Variants in CD274 observed in about 807,000 individuals in gnomAD.
The protein encoded by CD274 is programmed cell death 1 ligand 1.
In CD274, 8 loss-of-function variants were observed where a neutral mutation model predicts 30.1. The observed-to-expected ratio is 0.27, with a 90% confidence interval of 0.16 to 0.48. CD274 has a LOEUF of 0.48. Among genes scored for constraint, CD274 ranks in the 20% least tolerant of loss-of-function variants. CD274 has a pLI of 0.99. For missense variants in CD274, 353 were observed against 346.6 expected (o/e 1.02, Z -0.15); for synonymous variants, 152 against 124.6 (o/e 1.22, Z -1.46).
rs1819523098 is a variant in CD274, at chr9:5,467,872, G to T, written c.*10G>T. The T allele has an allele frequency of 6.2e-7, 1 of 1,606,896 alleles. No homozygotes were observed. The highest frequency in any genetic ancestry group is 1.3e-5 in the African/African-American group (1 of 74,714). ...TTTGGAGGAGACGTAATCCAGCATT[G>T]GAACTTCTGATCTTCAAGCAGGGAT... On this transcript the variant is annotated 3_prime_UTR_variant, in exon 7 of 7. Coordinates refer to ENST00000381577, the MANE Select transcript of CD274 (RefSeq NM_014143.4).
At chr9:5,464,411 G>A (rs191550951) in intron 4 of CD274, among the ~76,000 whole-genome samples, 61 of 152,146 alleles carry the variant, frequency 4.0e-4, no homozygotes, top group Admixed American at 3.5e-3. Flanking sequence ...TGTAAGTTAC[G>A]GAAAAAGCTG....
chr9:5,451,919 G>A (rs548993686), intron 1 of CD274, among the ~76,000 whole-genome samples: 44 of 152,072 alleles, frequency 2.9e-4, no homozygotes, highest in African/African-American at 5.1e-4. Flanking sequence ...AGCCTCAGGC[G>A]ATCCTCCCTC....
chr9:5,458,897 G>C (rs2131215823), intron 3 of CD274, among the ~76,000 whole-genome samples: 1 of 152,298 alleles, frequency 6.6e-6, no homozygotes, highest in African/African-American at 2.4e-5. Context: ...AAATCATCAT[G>C]ACTTAGCCTC....
rs1819562692 is a variant in CD274 at position 5,469,966 on chromosome 9, G to C, written c.*2104G>C. ...GAAATTCCGGCAGTGTACCTTGACT[G>C]CTAGCTACCCTGTGCCAGAAAAGCC... On this transcript the variant is annotated 3_prime_UTR_variant, in exon 7 of 7. Coordinates refer to ENST00000381577, the MANE Select transcript of CD274 (RefSeq NM_014143.4). 1 of 233,070 alleles carries C rather than the reference G, an allele frequency of 4.3e-6. No individual in the cohort carries two copies. The highest frequency in any genetic ancestry group is 2.2e-5 in the African/African-American group (1 of 45,346). The allele number at this position is 233,070 out of a possible 1,614,324, so 14.4% of individuals were successfully genotyped here.
Position 5,457,365 on chromosome 9 carries a change from CT to C in CD274, c.340del (p.Cys114AlafsTer2). 1 of 1,614,088 alleles carries C rather than the reference CT, an allele frequency of 6.2e-7. No individual in the cohort carries two copies. The highest frequency in any genetic ancestry group is 1.7e-5 in the Admixed American group (1 of 59,972). The stretch of plus-strand genomic sequence containing the variant: ...AATTGCAGGATGCAGGGGTGTACCG[CT>C]GCATGATCAGCTATGGTGGTGCCGA... ...VKLQDAGVYRCMISYGGADYK... is the reference protein window; with the variant it reads ...VKLQDAGVYRXMISYGGADYK... On this transcript the variant is annotated frameshift_variant, in exon 3 of 7. Transcript: ENST00000381577. LOFTEE classifies it high-confidence loss of function.
rs1337504943 is a variant in CD274, at chr9:5,462,894, A to C, written c.455A>C (p.Glu152Ala). The part of the protein sequence containing the change: ...LVVDPVTSEH[E>A]LTCQAEGYPK... ...GTGGATCCAGTCACCTCTGAACATG[A>C]ACTGACATGTCAGGCTGAGGGCTAC... The change falls in exon 4 of 7, where the codon GAA becomes GCA. Residue 152 changes from glutamate (E) to alanine (A), a missense_variant. Glu to Ala is a moderately radical substitution (Grantham distance 107). Transcript: ENST00000381577. 2 of 1,614,042 alleles carry C rather than the reference A, an allele frequency of 1.2e-6. No individual in the cohort carries two copies. The highest frequency in any genetic ancestry group is 8.5e-7 in the Non-Finnish European group (1 of 1,179,938).
At position 5,463,177 on chromosome 9, in the gene CD274, G is replaced by A. The variant is rs1447161603; in HGVS notation, c.682+56G>A. The stretch of plus-strand genomic sequence containing the variant: ...GTCTAACACTGTCCCCTAGCACCTA[G>A]CATGATGTCTGCCTATCATAGTCAT... On this transcript the variant is annotated intron_variant, in intron 4 of 6. Coordinates refer to ENST00000381577, the MANE Select transcript of CD274 (RefSeq NM_014143.4). 2.3e-6 allele frequency: 3 copies of A among 1,316,392 alleles called. No individual in the cohort carries two copies. The East Asian group carries it at 6.9e-5, about 30-fold the overall frequency. The allele number at this position is 1,316,392 out of a possible 1,614,324, so 81.5% of individuals were successfully genotyped here. A position where few individuals can be genotyped will look rare whatever the true frequency, so the allele number is the denominator to read the frequency against.
chr9:5,461,529 C>T (rs1819404365), intron 3 of CD274, among the ~76,000 whole-genome samples: 1 of 151,926 alleles, frequency 6.6e-6, no homozygotes, highest in South Asian at 2.1e-4. Flanking sequence ...TGATCCTAGC[C>T]GTTTTGTATT....
At chr9:5,461,166 G>C (rs1819397165) in intron 3 of CD274, among the ~76,000 whole-genome samples, 1 of 152,126 alleles carries the variant, frequency 6.6e-6, no homozygotes, top group Non-Finnish European at 1.5e-5. Flanking sequence ...ATATAACACT[G>C]CGAGGTCTAA....
chr9:5,459,097 T>C (rs961074402), intron 3 of CD274, among the ~76,000 whole-genome samples: 7 of 152,194 alleles, frequency 4.6e-5, no homozygotes, highest in African/African-American at 1.7e-4. Flanking sequence ...GGCTCCATAA[T>C]ATCCCTTGTG....
chr9:5,456,474 G>C (rs1819303907), intron 2 of CD274, among the ~76,000 whole-genome samples: 1 of 152,154 alleles, frequency 6.6e-6, no homozygotes, highest in Non-Finnish European at 1.5e-5. Flanking sequence ...TTATTTGTTT[G>C]CTTTCAACAA....
Position 5,468,863 on chromosome 9 carries a change from A to C in CD274, c.*1001A>C, listed in dbSNP as rs533075809. On this transcript the variant is annotated 3_prime_UTR_variant, in exon 7 of 7. Transcript: ENST00000381577. ...TTACTTTAAGCAATTCTTTTATTCA[A>C]AAACCATTTATTAAGTGCCCTTGCA... is the stretch of plus-strand genomic sequence containing the variant. 1 of 233,158 alleles carries C rather than the reference A, an allele frequency of 4.3e-6. No individual in the cohort carries two copies. The highest frequency in any genetic ancestry group is 2.2e-5 in the African/African-American group (1 of 45,482). The allele number at this position is 233,158 out of a possible 1,614,324, so 14.4% of individuals were successfully genotyped here.
intron 1 of CD274, among the ~76,000 whole-genome samples, chr9:5,454,038 GA>G (rs111339650): frequency 9.9e-5 from 15 of 152,082 alleles, no homozygotes; most frequent in African/African-American, 3.6e-4. Context: ...TAATAATAAA[GA>G]AAAAAACATA....
chr9:5,467,832 C>T lies in CD274; in HGVS notation c.851-8C>T, dbSNP rs1819522142. On this transcript the variant is annotated splice_polypyrimidine_tract_variant and splice_region_variant and intron_variant, in intron 6 of 6. Coordinates refer to ENST00000381577, the MANE Select transcript of CD274 (RefSeq NM_014143.4). The stretch of plus-strand genomic sequence containing the variant: ...CCATGAAATTAATATACTATTATCA[C>T]TCTCCAGATACACATTTGGAGGAGA... 1.2e-6 allele frequency: 2 copies of T among 1,603,838 alleles called. No homozygotes were observed. Among genetic ancestry groups the T allele is most frequent in the African/African-American group, 1.3e-5 (1 of 74,814 alleles).
rs750352211 is a variant in CD274 at position 5,465,483 on chromosome 9, T to C, written c.683-16T>C. ...TATCTTTAGTCAGTTTGTTTTCGTT[T>C]TGTTTTGTTTTTCAGAACTACCTCT... On this transcript the variant is annotated splice_polypyrimidine_tract_variant and intron_variant, in intron 4 of 6. Coordinates refer to ENST00000381577, the MANE Select transcript of CD274 (RefSeq NM_014143.4). The C allele has an allele frequency of 6.7e-7, 1 of 1,489,372 alleles. No homozygotes were observed. The highest frequency in any genetic ancestry group is 9.4e-7 in the Non-Finnish European group (1 of 1,067,020). 92.3% of individuals were successfully genotyped at this position (1,489,372 alleles called of 1,614,324 possible). A position where few individuals can be genotyped will look rare whatever the true frequency, so the allele number is the denominator to read the frequency against.
intron 3 of CD274, among the ~76,000 whole-genome samples, chr9:5,461,095 G>A (rs576605880): frequency 6.6e-6 from 1 of 152,176 alleles, no homozygotes; most frequent in Admixed American, 6.5e-5. Context: ...TATACCTTAG[G>A]GTGAACTTTA....
At chr9:5,451,153 A>G (rs1819195502) in intron 1 of CD274, among the ~76,000 whole-genome samples, 2 of 152,238 alleles carry the variant, frequency 1.3e-5, no homozygotes. Flanking sequence ...TCTTAGACAC[A>G]TTGACCTTGG....
At chr9:5,465,161 G>T (rs544755031) in intron 4 of CD274, among the ~76,000 whole-genome samples, 51 of 151,214 alleles carry the variant, frequency 3.4e-4, no homozygotes, top group African/African-American at 1.1e-3. Flanking sequence ...CACTCCATGT[G>T]GTACTGTGCA....
At chr9:5,458,488 A>G (rs1366660922) in intron 3 of CD274, among the ~76,000 whole-genome samples, 1 of 152,140 alleles carries the variant, frequency 6.6e-6, no homozygotes, top group East Asian at 1.9e-4. Flanking sequence ...TTAATATTTG[A>G]CTAGAATTAA....
Sources: allele counts gnomAD v4.1 joint callset (sites outside exome capture counted in the v4.1 genomes callset), GRCh38; gene constraint gnomAD v4.1.1; transcripts MANE v1.5; gene names NCBI Gene and HGNC (gene_info 2026-07-23, HGNC 2026-07-21).